Variants in LMO7 observed in about 807,000 individuals in gnomAD.
LMO7 encodes LIM domain 7.
LMO7 carries 120 observed loss-of-function variants against 206.5 expected under a neutral mutation model. The observed-to-expected ratio is 0.58, with a 90% CI of 0.50 to 0.68. The LOEUF is 0.68. Among genes scored for constraint, LMO7 ranks in the 30% least tolerant of loss-of-function variants. The probability of loss-of-function intolerance (pLI) is 0.00; values close to 1 mark genes in which losing one functional copy is unlikely to be tolerated. For missense variants in LMO7, 1,959 were observed against 1,957.9 expected, an observed-to-expected ratio of 1.00 and a Z score of -0.01; for synonymous variants, 706 against 681.5, an observed-to-expected ratio of 1.04 and a Z score of -0.56.
At chr13:75,701,737 G>T (rs2042298551) in intron 1 of LMO7, among the ~76,000 whole-genome samples, 1 of 152,134 alleles carries the variant, frequency 6.6e-6, no homozygotes, top group South Asian at 2.1e-4. Flanking sequence ...ATAAACCTGT[G>T]TTTATAGACA....
chr13:75,832,987 A>G (rs1377489663), intron 15 of LMO7, 64 bp from the exon 16 acceptor site: 1 of 858,858 alleles, frequency 1.2e-6, no homozygotes, highest in Non-Finnish European at 2.0e-6. Context: ...CCTTTCATGG[A>G]TAGACTTTCC....
intron 11 of LMO7, among the ~76,000 whole-genome samples, chr13:75,816,416 C>CTCT (rs1418179271): frequency 6.6e-6 from 1 of 152,226 alleles, no homozygotes; most frequent in Non-Finnish European, 1.5e-5. Flanking sequence ...GTTTACCTGG[C>CTCT]TCTTTTATGT....
intron 9 of LMO7, chr13:75,806,356 A>G: frequency 5.3e-6 from 3 of 571,158 alleles, no homozygotes; most frequent in Non-Finnish European, 6.7e-6. Context: ...ACCTGATTGC[A>G]CTGAATCAGG....
At chr13:75,630,692 G>A (rs967376068) in intron 2 of LMO7, among the ~76,000 whole-genome samples, 1 of 152,104 alleles carries the variant, frequency 6.6e-6, no homozygotes, top group African/African-American at 2.4e-5. Flanking sequence ...AAACAAAAAA[G>A]AAATAGCCAC....
chr13:75,719,539 A>G (rs781730624), intron 2 of LMO7, among the ~76,000 whole-genome samples: 1 of 152,020 alleles, frequency 6.6e-6, no homozygotes, highest in Non-Finnish European at 1.5e-5. Context: ...TGCTGTTCTC[A>G]TGATAGTGAG....
At chr13:75,663,434 T>TTC (rs780935072) in intron 1 of LMO7, among the ~76,000 whole-genome samples, 61 of 131,768 alleles carry the variant, frequency 4.6e-4, no homozygotes, top group African/African-American at 1.3e-3. Context: ...CTTTCTTTCT[T>TTC]TTTTTTTTTT....
intron 2 of LMO7, 81 bp downstream of exon 2, chr13:75,713,333 C>T (rs898182045): frequency 1.1e-6 from 1 of 928,808 alleles, no homozygotes; most frequent in Non-Finnish European, 1.6e-6. Flanking sequence ...TGGCTCCTCC[C>T]ATGGCCACCG....
chr13:75,697,642 G>C (rs1248848279), intron 1 of LMO7, among the ~76,000 whole-genome samples: 2 of 152,124 alleles, frequency 1.3e-5, no homozygotes, highest in African/African-American at 2.4e-5. Flanking sequence ...CCTTTTCTTT[G>C]TTATCTTGAA....
chr13:75,751,060 T>G (rs2047224959), intron 3 of LMO7, among the ~76,000 whole-genome samples: 1 of 151,742 alleles, frequency 6.6e-6, no homozygotes, highest in Admixed American at 6.6e-5. Flanking sequence ...TTTGCCAGAT[T>G]ATAAATAGAA....
intron 1 of LMO7, among the ~76,000 whole-genome samples, chr13:75,663,819 A>G (rs2038861711): frequency 6.6e-6 from 1 of 152,176 alleles, no homozygotes; most frequent in Non-Finnish European, 1.5e-5. Context: ...GGCCACTTCT[A>G]AAGTTGGGCT....
chr13:75,675,030 G>A lies in LMO7; in HGVS notation c.70-38152G>A, dbSNP rs140674145. 2.4e-3 allele frequency among the ~76,000 whole-genome samples: 356 copies of A among 151,280 alleles called. 1 individual carries two copies. Among genetic ancestry groups the A allele is most frequent in the Non-Finnish European group, 3.5e-3 (240 of 67,742 alleles). On this transcript the variant is annotated intron_variant, in intron 1 of 30. Transcript: ENST00000377534. The stretch of plus-strand genomic sequence containing the variant: ...CTGTTATTTGTAATTTTAGCTTCAG[G>A]TTAAATTATAACAGAAGAATGTCAC...
In LMO7 at chr13:75,807,915, C is replaced by T. The variant is rs2585628; in HGVS notation, c.1632C>T (p.Pro544=). The change falls in exon 10 of 31, where the codon CCC becomes CCT. Residue 544 remains proline (P), a synonymous_variant. Coordinates refer to ENST00000377534, the MANE Select transcript of LMO7 (RefSeq NM_001306080.2). The part of the protein sequence containing the change: ...APDRYHPVPF[P]EPWTLPPEIQ... ...ATAGATACCACCCAGTCCCTTTTCC[C>T]GAACCCTGGACTCTTCCTCCAGAAA... 2.5e-3 allele frequency: 4,040 copies of T among 1,613,916 alleles called. 102 individuals carry two copies. In the African/African-American group the frequency reaches 0.047, roughly 19 times the overall value.
At chr13:75,704,993 C>T (rs117929675) in intron 1 of LMO7, among the ~76,000 whole-genome samples, 4,264 of 152,284 alleles carry the variant, frequency 0.028, 90 homozygotes, top group Non-Finnish European at 0.04. Context: ...TCTACAGAAC[C>T]TGTTTTTTAA....
rs1370168635 is a variant in LMO7, at chr13:75,732,933, C to T, written c.210+5835C>T. The stretch of plus-strand genomic sequence containing the variant: ...GGTATCAGCAGCGGTGTCTGCAGAA[C>T]AGCTGATTTTCGTGAACCGCGAATG... On this transcript the variant is annotated intron_variant, in intron 3 of 30. Coordinates refer to ENST00000377534, the MANE Select transcript of LMO7 (RefSeq NM_001306080.2). Among the ~76,000 whole-genome samples the T allele has an allele frequency of 2.6e-5, 4 of 152,316 alleles. No individual in the cohort carries two copies. The South Asian group carries it at 8.3e-4, about 32-fold the overall frequency.
chr13:75,685,890 CTTTTTTTT>C (rs551370410), intron 1 of LMO7, among the ~76,000 whole-genome samples: 1 of 105,976 alleles, frequency 9.4e-6, no homozygotes, highest in Admixed American at 1.0e-4. Context: ...TTTTCTTTCT[CTTTTTTTT>C]TTTTTTTTTT....
Position 75,795,437 on chromosome 13 carries a change from A to G in LMO7, c.348+6A>G, listed in dbSNP as rs754323248. On this transcript the variant is annotated splice_donor_region_variant and intron_variant, in intron 5 of 30. Transcript: ENST00000377534. ...CTGACAGGAGAGTGAAAAATGTAAGATACATTTACCTTAATGGAGCATTAT... is the reference window on the plus strand; with the variant it reads ...CTGACAGGAGAGTGAAAAATGTAAGGTACATTTACCTTAATGGAGCATTAT... 1 of 1,578,730 alleles carries G rather than the reference A, an allele frequency of 6.3e-7. No individual in the cohort carries two copies. Among genetic ancestry groups the G allele is most frequent in the South Asian group, 1.1e-5 (1 of 88,342 alleles).
intron 1 of LMO7, among the ~76,000 whole-genome samples, chr13:75,709,045 G>A (rs1037260128): frequency 1.1e-4 from 16 of 152,092 alleles, no homozygotes; most frequent in African/African-American, 3.6e-4. Context: ...AGAACATGCG[G>A]TGTTTGGTTT....
intron 12 of LMO7, among the ~76,000 whole-genome samples, chr13:75,817,531 G>A (rs567531725): frequency 3.3e-5 from 5 of 152,058 alleles, no homozygotes; most frequent in Admixed American, 2.6e-4. Flanking sequence ...AAAAATGTGA[G>A]TTGCTTCCTT....
At position 75,853,043 on chromosome 13, in the gene LMO7, T is replaced by G. The variant is rs575085789; in HGVS notation, c.4365-49T>G. The G allele has an allele frequency of 1.5e-5, 21 of 1,408,050 alleles. 1 individual carries two copies. In the South Asian group the frequency reaches 2.3e-4, roughly 15 times the overall value. The allele number at this position is 1,408,050 out of a possible 1,614,324, so 87.2% of individuals were successfully genotyped here. On this transcript the variant is annotated intron_variant, in intron 27 of 30. Transcript: ENST00000377534. ...AATGGAATGATGAATTAAATAGATT[T>G]CTAGTTGAACATGTCACATTATTTT...
Sources: allele counts gnomAD v4.1 joint callset (sites outside exome capture counted in the v4.1 genomes callset), GRCh38; gene constraint gnomAD v4.1.1; transcripts MANE v1.5; gene names NCBI Gene and HGNC (gene_info 2026-07-23, HGNC 2026-07-21).